Variants in DSCAML1 observed in about 807,000 individuals in gnomAD.
The protein encoded by DSCAML1 is cell adhesion molecule DSCAML1.
DSCAML1 carries 38 observed loss-of-function variants against 200.5 expected under a neutral mutation model. The observed-to-expected ratio is 0.19, with a 90% CI of 0.15 to 0.25. DSCAML1 has a LOEUF of 0.25. Ranked by LOEUF, DSCAML1 falls within the 10% of genes least tolerant of loss-of-function variation. The pLI is 1.00. For synonymous variants in DSCAML1, 1,215 were observed against 1,165.0 expected, an observed-to-expected ratio of 1.04 and a Z score of -0.87; for missense variants, 2,223 against 2,858.8, an observed-to-expected ratio of 0.78 and a Z score of 5.07.
At chr11:117,675,113 A>C (rs1487600791) in intron 3 of DSCAML1, among the ~76,000 whole-genome samples, 2 of 152,038 alleles carry the variant, frequency 1.3e-5, no homozygotes, top group Admixed American at 1.3e-4. Context: ...AGTAATAGCA[A>C]CTCCTCCACA....
chr11:117,598,905 T>G (rs530828917), intron 3 of DSCAML1, among the ~76,000 whole-genome samples: 126 of 152,282 alleles, frequency 8.3e-4, no homozygotes, highest in Non-Finnish European at 1.3e-3. Context: ...TATATTTTTT[T>G]GGGGTTGATG....
At chr11:117,428,859 T>C in intron 32 of DSCAML1, 56 bp from the exon 33 acceptor site, 1 of 1,491,676 alleles carries the variant, frequency 6.7e-7, no homozygotes, top group South Asian at 1.2e-5. Context: ...TGGAAGCAGC[T>C]CGTTCAGCCC....
intron 3 of DSCAML1, among the ~76,000 whole-genome samples, chr11:117,699,370 G>A (rs1325402629): frequency 6.6e-6 from 1 of 152,218 alleles, no homozygotes; most frequent in Non-Finnish European, 1.5e-5. Flanking sequence ...GTCCAGGCGA[G>A]TGGCTCAGAA....
At chr11:117,523,249 G>C (rs1004663545) in intron 5 of DSCAML1, among the ~76,000 whole-genome samples, 1 of 152,118 alleles carries the variant, frequency 6.6e-6, no homozygotes, top group Non-Finnish European at 1.5e-5. Flanking sequence ...GGATTTGAGG[G>C]TGTGTTGCCC....
chr11:117,430,813 G>A lies in DSCAML1; in HGVS notation c.5595C>T (p.Gly1865=), dbSNP rs770130757. The change falls in exon 32 of 33, where the codon GGC becomes GGT. Residue 1865 remains glycine (G), a synonymous_variant. Transcript: ENST00000651296. ...GTGGTGAGGCGGTAAAGCGGCAGAT[G>A]CCAGGCTCTGAGGGTGTGCTCATGG... The part of the protein sequence containing the change: ...MTSMSTPSEP[G]ICRFTASPPK... The A allele has an allele frequency of 4.1e-5, 66 of 1,614,018 alleles. No homozygotes were observed. The highest frequency in any genetic ancestry group is 4.8e-5 in the Non-Finnish European group (57 of 1,180,028).
chr11:117,812,077 C>T (rs903834722), intron 1 of DSCAML1, among the ~76,000 whole-genome samples: 8 of 152,178 alleles, frequency 5.3e-5, no homozygotes, highest in African/African-American at 1.9e-4. Flanking sequence ...CCTGACTATT[C>T]CTGGATTACA....
chr11:117,722,455 C>T (rs548139684), intron 3 of DSCAML1, among the ~76,000 whole-genome samples: 16 of 152,120 alleles, frequency 1.1e-4, no homozygotes, highest in Middle Eastern at 3.4e-3. Flanking sequence ...AGTTCTAGTG[C>T]GCTAAAGCTC....
chr11:117,598,817 T>C (rs1217151484), intron 3 of DSCAML1, among the ~76,000 whole-genome samples: 1 of 152,210 alleles, frequency 6.6e-6, no homozygotes, highest in Non-Finnish European at 1.5e-5. Context: ...TGAATGGCTT[T>C]GGTTTAAACT....
chr11:117,798,023 CTCAGGCACTGGG>C (rs1212915712), upstream of DSCAML1, among the ~76,000 whole-genome samples: 1 of 151,862 alleles, frequency 6.6e-6, no homozygotes, highest in Non-Finnish European at 1.5e-5. Flanking sequence ...CAGGCACTGG[CTCAGGCACTGGG>C]GACTCAGGCA....
intron 3 of DSCAML1, among the ~76,000 whole-genome samples, chr11:117,686,854 T>A (rs1220283938): frequency 1.3e-5 from 2 of 152,202 alleles, no homozygotes; most frequent in Non-Finnish European, 2.9e-5. Context: ...ACGATGATGA[T>A]GATGATGGTA....
intron 3 of DSCAML1, among the ~76,000 whole-genome samples, chr11:117,547,185 CG>C (rs964920045): frequency 1.3e-5 from 2 of 152,158 alleles, no homozygotes; most frequent in African/African-American, 4.8e-5. Flanking sequence ...AGAGCCCAGC[CG>C]GGGGCGACAG....
At chr11:117,455,982 G>A (rs2048361178) in intron 19 of DSCAML1, among the ~76,000 whole-genome samples, 1 of 152,228 alleles carries the variant, frequency 6.6e-6, no homozygotes, top group Non-Finnish European at 1.5e-5. Context: ...CTACAGTAGA[G>A]GGTATGTCGT....
At chr11:117,637,021 G>A (rs2052301418) in intron 3 of DSCAML1, among the ~76,000 whole-genome samples, 4 of 152,102 alleles carry the variant, frequency 2.6e-5, no homozygotes, top group Non-Finnish European at 4.4e-5. Flanking sequence ...AGCTGGTGGG[G>A]TCATGCTTTC....
At chr11:117,486,255 GGA>G (rs2049051613) in intron 11 of DSCAML1, among the ~76,000 whole-genome samples, 1 of 71,788 alleles carries the variant, frequency 1.4e-5, no homozygotes, top group African/African-American at 6.0e-5. Context: ...GTGGCGGATG[GGA>G]AAGTGGTGGA....
intron 6 of DSCAML1, among the ~76,000 whole-genome samples, chr11:117,519,223 C>A (rs1468132699): frequency 6.6e-6 from 1 of 152,222 alleles, no homozygotes; most frequent in Non-Finnish European, 1.5e-5. Context: ...CTTAGAACTA[C>A]ATATGGAACC....
chr11:117,431,847 G>T, intron 30 of DSCAML1, 119 bp from the exon 31 acceptor site: 1 of 971,752 alleles, frequency 1.0e-6, no homozygotes, highest in Non-Finnish European at 1.5e-6. Flanking sequence ...AGCCACAGAA[G>T]CGCCCTTGGG....
chr11:117,763,546 CCTTCGATACATACAACTCACGCAG>C (rs1390892558), intron 3 of DSCAML1, among the ~76,000 whole-genome samples: 1 of 152,142 alleles, frequency 6.6e-6, no homozygotes, highest in Non-Finnish European at 1.5e-5. Flanking sequence ...TCCCCATTGC[CCTTCGATACATACAACTCACGCAG>C]CATCACTTAT....
intron 3 of DSCAML1, among the ~76,000 whole-genome samples, chr11:117,725,926 C>T (rs2054120978): frequency 6.6e-6 from 1 of 152,250 alleles, no homozygotes; most frequent in African/African-American, 2.4e-5. Context: ...TGAGCCCCTG[C>T]AGCCTCTCCA....
intron 3 of DSCAML1, among the ~76,000 whole-genome samples, chr11:117,536,533 CATTTGGGGTTGACAGCATA>C (rs1222429318): frequency 6.6e-6 from 1 of 152,208 alleles, no homozygotes; most frequent in Non-Finnish European, 1.5e-5. Flanking sequence ...GGAGGTGGGA[CATTTGGGGTTGACAGCATA>C]ATTTGGGGTT....
Sources: gnomAD v4.1 joint callset for allele counts (sites outside exome capture counted in the v4.1 genomes callset) on GRCh38, gnomAD v4.1.1 for gene constraint, MANE v1.5 for transcripts, NCBI Gene and HGNC (gene_info 2026-07-23, HGNC 2026-07-21) for gene names.